REPS2: variants seen among roughly 807,000 people sequenced by gnomAD.
The protein encoded by REPS2 is ralBP1-associated Eps domain-containing protein 2.
REPS2 carries 23 observed loss-of-function variants against 53.6 expected under a neutral mutation model. That is an observed-to-expected ratio of 0.43 (90% CI 0.31 to 0.61). The LOEUF (loss-of-function observed/expected upper bound fraction) is 0.61, where lower values mean the gene tolerates loss of function less well. Ranked by LOEUF, REPS2 falls within the 20% of genes least tolerant of loss-of-function variation. REPS2 has a pLI of 0.11. For missense variants in REPS2, 446 were observed against 534.9 expected (o/e 0.83, Z 1.64); for synonymous variants, 238 against 218.6 (o/e 1.09, Z -0.78).
chrX:16,993,800 G>T (rs956581057), intron 1 of REPS2, among the ~76,000 whole-genome samples: 1 of 112,533 alleles, frequency 8.9e-6, no homozygotes, highest in African/African-American at 3.2e-5. Context: ...GAATGATCAG[G>T]GCTCACCTTT....
chrX:17,182,093 G>T, the REPS2 span, among the ~76,000 whole-genome samples: 4 of 111,188 alleles, frequency 3.6e-5, no homozygotes, highest in Admixed American at 1.9e-4. Context: ...GACTTCAAAG[G>T]CTAGGTCATA....
At chrX:17,053,592 T>C (rs1191177608) in intron 7 of REPS2, among the ~76,000 whole-genome samples, 1 of 111,993 alleles carries the variant, frequency 8.9e-6, no homozygotes, top group Non-Finnish European at 1.9e-5. Flanking sequence ...TCCTCCTGCC[T>C]TGGTTTCTGA....
At chrX:17,138,611 C>T (rs1462442692) in intron 16 of REPS2, 1 of 251,944 alleles carries the variant, frequency 4.0e-6, no homozygotes, top group Admixed American at 6.3e-5. Context: ...TTGAAAAGGC[C>T]CATTTCACAG....
At chrX:17,131,714 G>A (rs994789454) in intron 14 of REPS2, among the ~76,000 whole-genome samples, 18 of 111,085 alleles carry the variant, frequency 1.6e-4, no homozygotes, top group Non-Finnish European at 3.0e-4. Context: ...CTCATGAGGC[G>A]CAGTCACCCT....
At chrX:17,162,848 A>G in the REPS2 span, among the ~76,000 whole-genome samples, 3 of 112,388 alleles carry the variant, frequency 2.7e-5, no homozygotes, top group Non-Finnish European at 5.6e-5. Flanking sequence ...AACAAAGAGC[A>G]ACAACACCAA....
At chrX:17,125,049 A>T (rs1233113183) in intron 14 of REPS2, among the ~76,000 whole-genome samples, 2 of 109,891 alleles carry the variant, frequency 1.8e-5, no homozygotes, top group African/African-American at 6.6e-5. Flanking sequence ...TTTTTAGTAG[A>T]GACGGGGTTT....
At chrX:16,981,662 C>G (rs1180696593) in intron 1 of REPS2, among the ~76,000 whole-genome samples, 1 of 112,282 alleles carries the variant, frequency 8.9e-6, no homozygotes, top group Non-Finnish European at 1.9e-5. Flanking sequence ...TGATCAAGCA[C>G]TGTACCTGAC....
intron 8 of REPS2, among the ~76,000 whole-genome samples, chrX:17,055,605 G>C (rs1421445072): frequency 9.7e-6 from 1 of 103,601 alleles, no homozygotes; most frequent in Non-Finnish European, 2.0e-5. Context: ...TTATTAAATA[G>C]GGAATCCTTT....
chrX:17,052,400 T>C lies in REPS2; in HGVS notation c.926T>C (p.Phe309Ser). 1 of 1,207,697 alleles carries C rather than the reference T, an allele frequency of 8.3e-7. No individual in the cohort carries two copies. The highest frequency in any genetic ancestry group is 1.1e-6 in the Non-Finnish European group (1 of 893,419). The change falls in exon 7 of 18, where the codon TTC (phenylalanine) becomes TCC (serine). Residue 309 changes from phenylalanine to serine, a missense_variant. Transcript: ENST00000357277. Reference protein sequence around the residue: ...SFISGSVAKNFFTKSKLSIPE... With the variant: ...SFISGSVAKNSFTKSKLSIPE... ...TTGACAGGTTCTGTGGCCAAGAACTTCTTCACCAAATCAAAGCTTTCCATT... is the reference window on the plus strand; with the variant it reads ...TTGACAGGTTCTGTGGCCAAGAACTCCTTCACCAAATCAAAGCTTTCCATT...
intron 1 of REPS2, among the ~76,000 whole-genome samples, chrX:16,960,370 G>GA (rs1228499977): frequency 3.1e-5 from 1 of 32,372 alleles, no homozygotes; most frequent in African/African-American, 1.0e-4. Flanking sequence ...TGTCTTCAAA[G>GA]AAAAAAAAAG....
intron 1 of REPS2, among the ~76,000 whole-genome samples, chrX:16,958,393 G>A (rs1294470810): frequency 9.0e-6 from 1 of 111,661 alleles, no homozygotes; most frequent in Non-Finnish European, 1.9e-5. Context: ...AACCAAGGAA[G>A]CCATAGGAAA....
At chrX:17,098,500 A>G (rs909181388) in intron 13 of REPS2, among the ~76,000 whole-genome samples, 10 of 112,226 alleles carry the variant, frequency 8.9e-5, no homozygotes, top group African/African-American at 2.3e-4. Flanking sequence ...AGATTTTACA[A>G]TGTAGCTCTA....
intron 10 of REPS2, among the ~76,000 whole-genome samples, chrX:17,069,294 T>C (rs1189336122): frequency 3.6e-5 from 4 of 112,194 alleles, no homozygotes; most frequent in African/African-American, 1.3e-4. Context: ...CTGCCTGTTA[T>C]TTGATATTGA....
chrX:16,990,802 G>T (rs2061153986), intron 1 of REPS2, among the ~76,000 whole-genome samples: 1 of 110,016 alleles, frequency 9.1e-6, no homozygotes, highest in Admixed American at 9.7e-5. Context: ...AGGATCTCTG[G>T]GTATCATTTC....
chrX:17,096,946 G>T (rs1364848067), intron 13 of REPS2, among the ~76,000 whole-genome samples: 1 of 111,580 alleles, frequency 9.0e-6, no homozygotes, highest in Non-Finnish European at 1.9e-5. Flanking sequence ...AACATTTAAA[G>T]AATCACTGAG....
At chrX:17,021,980 C>A in intron 2 of REPS2, 143 bp from the exon 3 acceptor site, 1 of 507,534 alleles carries the variant, frequency 2.0e-6, no homozygotes, top group Non-Finnish European at 3.3e-6. Context: ...TATAGGAGTA[C>A]TCATTGTATC....
chrX:17,170,252 G>A, the REPS2 span, among the ~76,000 whole-genome samples: 2 of 112,004 alleles, frequency 1.8e-5, no homozygotes, highest in South Asian at 3.7e-4. Context: ...CAGCGTTCTG[G>A]TACTAAGAAG....
At chrX:17,054,705 A>T in intron 7 of REPS2, 103 bp from the exon 8 acceptor site, 1 of 871,702 alleles carries the variant, frequency 1.1e-6, no homozygotes, top group Non-Finnish European at 1.6e-6. Flanking sequence ...GGTATCTGGT[A>T]GGGCCATCAC....
the REPS2 span, among the ~76,000 whole-genome samples, chrX:17,176,131 A>G: frequency 5.4e-5 from 6 of 111,802 alleles, 1 homozygote; most frequent in South Asian, 2.3e-3. Context: ...CCCATTGACA[A>G]AATGGCTGAT....
Sources: allele counts gnomAD v4.1 joint callset (sites outside exome capture counted in the v4.1 genomes callset), GRCh38; gene constraint gnomAD v4.1.1; transcripts MANE v1.5; gene names NCBI Gene and HGNC (gene_info 2026-07-23, HGNC 2026-07-21).